The following PARVB variants were observed in gnomAD, a reference collection of about 807,000 sequenced individuals.
The protein encoded by PARVB is beta-parvin.
In PARVB, 46 loss-of-function variants were observed where a neutral mutation model predicts 47.0. That is an observed-to-expected ratio of 0.98 (90% CI 0.77 to 1.25). The LOEUF (loss-of-function observed/expected upper bound fraction) is 1.25. Among genes scored for constraint, PARVB ranks in the 50% most tolerant of loss-of-function variants. The probability of loss-of-function intolerance (pLI) is 0.00; values close to 1 mark genes in which losing one functional copy is unlikely to be tolerated. For missense variants in PARVB, 473 were observed against 471.6 expected (o/e 1.00, Z -0.03); for synonymous variants, 196 against 196.3 (o/e 1.00, Z 0.01).
At chr22:44,067,579 G>C (rs906061852) in intron 1 of PARVB, among the ~76,000 whole-genome samples, 7 of 152,232 alleles carry the variant, frequency 4.6e-5, no homozygotes, top group Admixed American at 6.5e-5. Flanking sequence ...GCACTGGGCT[G>C]GCGAGGGCCT....
In PARVB at chr22:44,068,973, C is replaced by T. The variant is rs545150502; in HGVS notation, c.113-24955C>T. On this transcript the variant is annotated intron_variant, in intron 1 of 12. Coordinates refer to ENST00000338758, the MANE Select transcript of PARVB (RefSeq NM_013327.5). The surrounding 1 kb of genome is among the most constrained non-coding windows in gnomAD (Gnocchi z 4.1). Reference sequence around the variant, plus strand: ...CAAGGAGCTATCGCTGGAAACACCCCGGTCCTTCCACAGCCTGACCCTCTG... The same window carrying T: ...CAAGGAGCTATCGCTGGAAACACCCTGGTCCTTCCACAGCCTGACCCTCTG... 3.6e-5 allele frequency: 23 copies of T among 641,452 alleles called. No individual in the cohort carries two copies. Among genetic ancestry groups the T allele is most frequent in the South Asian group, 1.6e-4 (8 of 50,464 alleles). The allele number at this position is 641,452 out of a possible 1,614,324, so 39.7% of individuals were successfully genotyped here. A position where few individuals can be genotyped will look rare whatever the true frequency, so the allele number is the denominator to read the frequency against.
chr22:44,083,061 G>A (rs1296356432), intron 1 of PARVB, among the ~76,000 whole-genome samples: 2 of 152,142 alleles, frequency 1.3e-5, no homozygotes, highest in African/African-American at 2.4e-5. Flanking sequence ...TAATTGCGGA[G>A]CGGACTCCTT....
chr22:44,028,724 A>G (rs1489126677), intron 1 of PARVB, among the ~76,000 whole-genome samples: 1 of 152,232 alleles, frequency 6.6e-6, no homozygotes, highest in Non-Finnish European at 1.5e-5. Flanking sequence ...ACTCTCTTCC[A>G]AAGTGGCTGT....
At chr22:44,130,322 G>A (rs563392342) in intron 4 of PARVB, among the ~76,000 whole-genome samples, 5 of 152,286 alleles carry the variant, frequency 3.3e-5, no homozygotes, top group African/African-American at 7.2e-5. Flanking sequence ...TCTTAGAATC[G>A]AAGACTAGCA....
chr22:44,106,223 G>T (rs2052566315), intron 3 of PARVB: 1 of 151,018 alleles, frequency 6.6e-6, no homozygotes, highest in South Asian at 2.1e-4. Context: ...GGGGGTGAGG[G>T]TTGGGGTAAA....
In PARVB at chr22:44,147,944, G is replaced by A; in HGVS notation, c.774+22G>A. 1.2e-6 allele frequency: 2 copies of A among 1,607,092 alleles called. 1 individual carries two copies. On this transcript the variant is annotated intron_variant, in intron 9 of 12. Coordinates refer to ENST00000338758, the MANE Select transcript of PARVB (RefSeq NM_013327.5). ...GAAGGTGAGCTATTGGTGGGATGTT[G>A]GATGTGCTCTCCCCTGGCTCGCGGC...
intron 3 of PARVB, chr22:44,112,537 C>G (rs560487685): frequency 6.5e-6 from 1 of 152,762 alleles, no homozygotes; most frequent in Admixed American, 6.5e-5. Context: ...TGTCTCTGCT[C>G]AGATGCCGCC....
In PARVB at chr22:44,012,225, A is replaced by T. The variant is rs1232323243; in HGVS notation, c.211+12552A>T. On this transcript the variant is annotated intron_variant, in intron 2 of 13. Coordinates refer to the PARVB transcript ENST00000406477. ...AAATATTTAAGGGAACAAAACGCAT[A>T]TGTGGTTTACTCTGCCTGGTATGCA... 2.4e-4 allele frequency among the ~76,000 whole-genome samples: 37 copies of T among 152,202 alleles called. 1 individual carries two copies. The highest frequency in any genetic ancestry group is 2.4e-3 in the Admixed American group (37 of 15,282).
intron 8 of PARVB, 86 bp from the exon 9 acceptor site, chr22:44,147,775 G>T (rs770812199): frequency 1.9e-6 from 2 of 1,065,230 alleles, no homozygotes; most frequent in East Asian, 2.4e-5. Flanking sequence ...CCTCCTGAGG[G>T]ATCAGAAGCT....
chr22:44,014,803 T>G (rs1411362153), intron 2 of PARVB, among the ~76,000 whole-genome samples: 2 of 152,194 alleles, frequency 1.3e-5, no homozygotes, highest in Non-Finnish European at 2.9e-5. Context: ...AGTTCTTGAT[T>G]GTCATCTGTA....
intron 4 of PARVB, among the ~76,000 whole-genome samples, chr22:44,120,393 C>T (rs543356422): frequency 1.3e-5 from 2 of 152,320 alleles, no homozygotes; most frequent in South Asian, 4.1e-4. Flanking sequence ...GTCTTTCTGT[C>T]TTTTATGACG....
At position 44,100,112 on chromosome 22, in the gene PARVB, G is replaced by T. The variant is rs751532244; in HGVS notation, c.262G>T (p.Glu88Ter). 3 of 1,613,542 alleles carry T rather than the reference G, an allele frequency of 1.9e-6. No individual in the cohort carries two copies. The highest frequency in any genetic ancestry group is 1.7e-6 in the Non-Finnish European group (2 of 1,179,574). ...TTCCAAGGAAGACCCCAAGTTCAAG[G>T]AACTGGTCAAGGTAAGGAGCTCCGT... is the stretch of plus-strand genomic sequence containing the variant. ...PTSKEDPKFK[E>*]LVKVLLDWIN... Residue 88 changes from glutamate to a stop codon, truncating the protein, a stop_gained, in exon 3 of 13, where the codon GAA becomes TAA. Transcript: ENST00000338758. LOFTEE classifies it high-confidence loss of function.
intron 8 of PARVB, chr22:44,140,723 G>A (rs1274008470): frequency 2.5e-6 from 1 of 406,514 alleles, no homozygotes; most frequent in Non-Finnish European, 5.0e-6. Flanking sequence ...GTGAGTATTG[G>A]GTGAGATCAC....
chr22:44,147,915 TGAA>T lies in PARVB; in HGVS notation c.772_774del (p.Lys258del), dbSNP rs1156880459. 5 of 1,613,874 alleles carry T rather than the reference TGAA, an allele frequency of 3.1e-6. No homozygotes were observed. The South Asian group carries it at 3.3e-5, about 11-fold the overall frequency. On this transcript the variant is annotated inframe_deletion, in exon 9 of 13. Coordinates refer to ENST00000338758, the MANE Select transcript of PARVB (RefSeq NM_013327.5). ...CACGCCCCGGATAAGCTCAGCGTGG[TGAA>T]GAAGGTGAGCTATTGGTGGGATGTT...
At chr22:44,158,767 T>G (rs1179847897) in intron 11 of PARVB, among the ~76,000 whole-genome samples, 1 of 152,256 alleles carries the variant, frequency 6.6e-6, no homozygotes, top group African/African-American at 2.4e-5. Flanking sequence ...CACAGCAGTA[T>G]TTAGCACATT....
At chr22:44,056,438 A>G (rs1004529) in intron 1 of PARVB, among the ~76,000 whole-genome samples, 41,614 of 152,134 alleles carry the variant, frequency 0.27, 8,001 homozygotes, top group African/African-American at 0.55. Flanking sequence ...ACCAGATCGG[A>G]CAAATTACTC....
intron 1 of PARVB, among the ~76,000 whole-genome samples, chr22:44,087,262 G>A (rs956899653): frequency 2.0e-4 from 31 of 152,316 alleles, no homozygotes; most frequent in African/African-American, 7.2e-4. Context: ...ATGAAAACCA[G>A]GAATTGCACG....
At chr22:44,138,612 G>T (rs548223350) in intron 7 of PARVB, among the ~76,000 whole-genome samples, 2 of 152,312 alleles carry the variant, frequency 1.3e-5, no homozygotes, top group East Asian at 3.9e-4. Context: ...TCCACATTCA[G>T]TTTCCTAAGG....
chr22:44,051,534 A>G (rs886251029), intron 1 of PARVB, among the ~76,000 whole-genome samples: 1 of 152,090 alleles, frequency 6.6e-6, no homozygotes, highest in Non-Finnish European at 1.5e-5. Context: ...AAAAGGAAGG[A>G]GATAACCACC....
Sources: gnomAD v4.1 joint callset for allele counts (sites outside exome capture counted in the v4.1 genomes callset) on GRCh38, gnomAD v4.1.1 for gene constraint, Gnocchi (gnomAD v3.1) non-coding constraint, MANE v1.5 for transcripts, NCBI Gene and HGNC (gene_info 2026-07-23, HGNC 2026-07-21) for gene names.